The following HAS3 variants were observed in gnomAD, a reference collection of about 807,000 sequenced individuals.
The protein encoded by HAS3 is hyaluronan synthase 3, also known as HA synthase 3.
A neutral mutation model predicts 50.3 loss-of-function variants in HAS3; 27 were observed. The observed-to-expected ratio is 0.54, with a 90% CI of 0.40 to 0.74. The LOEUF (loss-of-function observed/expected upper bound fraction) is 0.74. HAS3 is among the 30% of genes least tolerant of loss of function. HAS3 has a pLI of 0.00. For synonymous variants in HAS3, 339 were observed against 310.9 expected (o/e 1.09, Z -0.95); for missense variants, 517 against 742.8 (o/e 0.70, Z 3.53).
chr16:69,110,181 G>A, intron 2 of HAS3, 150 bp downstream of exon 2: 1 of 760,218 alleles, frequency 1.3e-6, no homozygotes, highest in Non-Finnish European at 2.1e-6. Flanking sequence ...GCCGGGCGCG[G>A]TGGCTCACGC....
chr16:69,111,741 G>C (rs144469045), intron 2 of HAS3, among the ~76,000 whole-genome samples: 5 of 152,330 alleles, frequency 3.3e-5, no homozygotes, highest in African/African-American at 1.2e-4. Flanking sequence ...TTCACCTGGG[G>C]TCGTGGGACC....
Position 69,107,676 on chromosome 16 carries a change from C to T in HAS3, c.1-1720C>T. The T allele has an allele frequency of 1.0e-6, 1 of 985,584 alleles. No homozygotes were observed. The highest frequency in any genetic ancestry group is 1.7e-5 in the African/African-American group (1 of 57,374). The allele number at this position is 985,584 out of a possible 1,614,324, so 61.1% of individuals were successfully genotyped here. ...CAGAGCGCAGGCAGGCAGGGGGGTC[C>T]CGCCGCGCCCCTTCAGCATGTAAGC... On this transcript the variant is annotated intron_variant, in intron 1 of 3. Transcript: ENST00000569188. This position sits in a 1 kb window ranked among gnomAD's most constrained non-coding sequence, Gnocchi z 5.5.
At chr16:69,094,367 ACACCACCTT>A in the HAS3 span, among the ~76,000 whole-genome samples, 2 of 152,150 alleles carry the variant, frequency 1.3e-5, 1 homozygote, top group Non-Finnish European at 2.9e-5. Context: ...ACTGGACCAC[ACACCACCTT>A]CAAAACTTCA....
chr16:69,107,447 C>T lies in HAS3; in HGVS notation c.-1+1660C>T. ...CTGGGATCCCTTGGGTTTTCCGTTC[C>T]TTCCCGGTTGGGTCGTGGGAAAGCG... On this transcript the variant is annotated intron_variant, in intron 1 of 3. Coordinates refer to ENST00000569188, the MANE Select transcript of HAS3 (RefSeq NM_001199280.2). The surrounding 1 kb of genome is among the most constrained non-coding windows in gnomAD (Gnocchi z 5.5). 1 of 985,624 alleles carries T rather than the reference C, an allele frequency of 1.0e-6. No individual in the cohort carries two copies. Among genetic ancestry groups the T allele is most frequent in the Non-Finnish European group, 1.2e-6 (1 of 830,066 alleles). 61.1% of individuals were successfully genotyped at this position (985,624 alleles called of 1,614,324 possible). A position where few individuals can be genotyped will look rare whatever the true frequency, so the allele number is the denominator to read the frequency against.
At chr16:69,094,495 G>C in the HAS3 span, among the ~76,000 whole-genome samples, 5 of 152,188 alleles carry the variant, frequency 3.3e-5, no homozygotes, top group Non-Finnish European at 5.9e-5. Flanking sequence ...GGTTTTTGCT[G>C]TTCCAAGATT....
At chr16:69,086,451 C>A in the HAS3 span, among the ~76,000 whole-genome samples, 47,837 of 151,686 alleles carry the variant, frequency 0.32, 9,537 homozygotes, top group African/African-American at 0.58. Context: ...GGTGTGAGCC[C>A]CCACACTGGG....
At chr16:69,090,556 GCAC>G in the HAS3 span, among the ~76,000 whole-genome samples, 1 of 151,746 alleles carries the variant, frequency 6.6e-6, no homozygotes. Flanking sequence ...CTACAGACGT[GCAC>G]CACCACACTG....
the HAS3 span, among the ~76,000 whole-genome samples, chr16:69,097,457 AAAAG>A: frequency 3.9e-5 from 6 of 152,030 alleles, no homozygotes; most frequent in Non-Finnish European, 7.4e-5. Context: ...CAAAAAAAAA[AAAAG>A]AGCCAAACAA....
the HAS3 span, chr16:69,083,706 C>A: frequency 6.5e-7 from 1 of 1,532,832 alleles, no homozygotes; most frequent in Non-Finnish European, 8.8e-7. Flanking sequence ...GCCAGGCACC[C>A]AGAGCCGTGC....
At chr16:69,098,262 T>C in the HAS3 span, among the ~76,000 whole-genome samples, 1 of 151,932 alleles carries the variant, frequency 6.6e-6, no homozygotes, top group Non-Finnish European at 1.5e-5. Flanking sequence ...TCCAAGCTAC[T>C]CAGGAGGCTG....
chr16:69,100,766 T>G (rs534397340), upstream of HAS3, among the ~76,000 whole-genome samples: 3 of 152,206 alleles, frequency 2.0e-5, no homozygotes, highest in Admixed American at 2.0e-4. Flanking sequence ...TGGAATTTCA[T>G]TGAAAGGTGA....
the HAS3 span, among the ~76,000 whole-genome samples, chr16:69,098,199 G>GT: frequency 2.0e-5 from 3 of 152,008 alleles, no homozygotes. Flanking sequence ...GTGAAACCCC[G>GT]TCTCTACTAA....
upstream of HAS3, among the ~76,000 whole-genome samples, chr16:69,103,722 T>G (rs888109093): frequency 2.0e-5 from 3 of 152,162 alleles, no homozygotes; most frequent in Non-Finnish European, 4.4e-5. Context: ...ATTCAAACAC[T>G]GATCCTTGAA....
downstream of HAS3, chr16:69,118,310 G>T: frequency 8.3e-7 from 1 of 1,205,290 alleles, no homozygotes; most frequent in Non-Finnish European, 1.2e-6. Flanking sequence ...CATTCGGTGG[G>T]TCTTTCTTTG....
chr16:69,117,389 G>C lies in HAS3; in HGVS notation c.*2123G>C. On this transcript the variant is annotated 3_prime_UTR_variant, in exon 4 of 4. Transcript: ENST00000569188. ...GGCTCACAACGTTTGACCTCGACTG[G>C]TTTTTCTAAGTTATTTTGTACATTT... 1.0e-6 allele frequency: 1 copy of C among 985,780 alleles called. No individual in the cohort carries two copies. Among genetic ancestry groups the C allele is most frequent in the Non-Finnish European group, 1.2e-6 (1 of 829,894 alleles). The allele number at this position is 985,780 out of a possible 1,614,324, so 61.1% of individuals were successfully genotyped here.
rs1456992715 is a variant in HAS3 at position 69,114,229 on chromosome 16, C to T, written c.739-114C>T. ...TTCCCAGCTCCAAAGGAACCGATGG[C>T]CAGGAATCTAAGCAGCGGGCCACAG... is the stretch of plus-strand genomic sequence containing the variant. On this transcript the variant is annotated intron_variant, in intron 3 of 3. Transcript: ENST00000569188. The surrounding 1 kb of genome is among the most constrained non-coding windows in gnomAD (Gnocchi z 6.4). 2 of 1,473,714 alleles carry T rather than the reference C, an allele frequency of 1.4e-6. No homozygotes were observed. The highest frequency in any genetic ancestry group is 2.8e-5 in the African/African-American group (2 of 71,040). The allele number at this position is 1,473,714 out of a possible 1,614,324, so 91.3% of individuals were successfully genotyped here.
Position 69,110,050 on chromosome 16 carries a change from G to A in HAS3, c.636+19G>A. The stretch of plus-strand genomic sequence containing the variant: ...CATCCAGGTAAGGGCGCCTCCCTAG[G>A]AGCGTGTGTACATGGGGATAAGTCT... On this transcript the variant is annotated intron_variant, in intron 2 of 3. Transcript: ENST00000569188. 1.9e-6 allele frequency: 3 copies of A among 1,587,756 alleles called. No homozygotes were observed. Among genetic ancestry groups the A allele is most frequent in the Non-Finnish European group, 2.6e-6 (3 of 1,164,666 alleles).
the HAS3 span, among the ~76,000 whole-genome samples, chr16:69,091,742 G>C: frequency 6.6e-6 from 1 of 152,168 alleles, no homozygotes; most frequent in Non-Finnish European, 1.5e-5. Flanking sequence ...ATAATTACTA[G>C]TTCGTGGCTT....
chr16:69,099,328 C>G, the HAS3 span, among the ~76,000 whole-genome samples: 3 of 148,756 alleles, frequency 2.0e-5, no homozygotes, highest in African/African-American at 7.4e-5. Flanking sequence ...TCTCACCTGC[C>G]TTTAATTCAT....
Sources: gnomAD v4.1 joint callset for allele counts (sites outside exome capture counted in the v4.1 genomes callset) on GRCh38, gnomAD v4.1.1 for gene constraint, Gnocchi (gnomAD v3.1) non-coding constraint, MANE v1.5 for transcripts, NCBI Gene and HGNC (gene_info 2026-07-23, HGNC 2026-07-21) for gene names.